TANC2: variants seen among roughly 807,000 people sequenced by gnomAD.
The protein encoded by TANC2 is tetratricopeptide repeat, ankyrin repeat and coiled-coil containing 2, also known as protein TANC2.
Under a neutral mutation model 210.5 loss-of-function variants are expected in TANC2, and 26 were observed. That is an observed-to-expected ratio of 0.12 (90% CI 0.09 to 0.17). The LOEUF (loss-of-function observed/expected upper bound fraction) is 0.17. Ranked by LOEUF, TANC2 falls within the 10% of genes least tolerant of loss-of-function variation. TANC2 has a pLI of 1.00. For synonymous variants in TANC2, 931 were observed against 967.1 expected, an observed-to-expected ratio of 0.96 and a Z score of 0.69; for missense variants, 2,129 against 2,608.9, an observed-to-expected ratio of 0.82 and a Z score of 4.01.
chr17:62,976,634 T>C lies in TANC2; in HGVS notation c.-24+9885T>C, dbSNP rs191138784. ...AAAGAAACTTTCCTCCCCGTCTAATTAGGAATAAATAGTAACTTCTCTTAG... is the reference window on the plus strand; with the variant it reads ...AAAGAAACTTTCCTCCCCGTCTAATCAGGAATAAATAGTAACTTCTCTTAG... On this transcript the variant is annotated intron_variant, in intron 1 of 27. Transcript: ENST00000689528. Among the ~76,000 whole-genome samples, 118 of 152,262 alleles carry C rather than the reference T, an allele frequency of 7.7e-4. 1 individual carries two copies. The highest frequency in any genetic ancestry group is 2.8e-3 in the African/African-American group (116 of 41,568).
intron 4 of TANC2, among the ~76,000 whole-genome samples, chr17:63,119,786 G>T (rs545560572): frequency 6.6e-6 from 1 of 152,286 alleles, no homozygotes; most frequent in African/African-American, 2.4e-5. Context: ...AGGCTGAGAT[G>T]GGAAGATCCC....
chr17:63,164,848 C>T (rs969326673), intron 5 of TANC2, among the ~76,000 whole-genome samples: 1 of 152,178 alleles, frequency 6.6e-6, no homozygotes, highest in Non-Finnish European at 1.5e-5. Context: ...TGTCCATTCA[C>T]ATTGGTGAAG....
At chr17:63,300,500 T>G (rs1460440294) in intron 9 of TANC2, among the ~76,000 whole-genome samples, 2 of 152,114 alleles carry the variant, frequency 1.3e-5, no homozygotes, top group Non-Finnish European at 2.9e-5. Flanking sequence ...CATCCCTTGT[T>G]AGCTATATTC....
chr17:63,323,324 C>T (rs1567914624), intron 11 of TANC2, among the ~76,000 whole-genome samples: 1 of 152,170 alleles, frequency 6.6e-6, no homozygotes, highest in Non-Finnish European at 1.5e-5. Flanking sequence ...ATCTAGTTAA[C>T]TGAGAACACT....
At chr17:63,072,402 A>G (rs1179553849) in intron 2 of TANC2, among the ~76,000 whole-genome samples, 1 of 152,064 alleles carries the variant, frequency 6.6e-6, no homozygotes, top group Non-Finnish European at 1.5e-5. Flanking sequence ...CCATGAGTAG[A>G]TTTTTGCTTT....
chr17:63,154,823 T>C (rs1204655826), intron 5 of TANC2: 2 of 152,108 alleles, frequency 1.3e-5, no homozygotes, highest in Non-Finnish European at 2.9e-5. Flanking sequence ...AATCTTATGG[T>C]CTGGAACATG....
chr17:63,129,297 G>T (rs1468330261), intron 4 of TANC2, among the ~76,000 whole-genome samples: 1 of 152,098 alleles, frequency 6.6e-6, no homozygotes, highest in African/African-American at 2.4e-5. Context: ...ATGCCCAGCA[G>T]TACCTAGACT....
intron 1 of TANC2, among the ~76,000 whole-genome samples, chr17:62,989,648 A>C (rs1029177311): frequency 1.3e-5 from 2 of 152,174 alleles, no homozygotes; most frequent in African/African-American, 4.8e-5. Context: ...GCGACAAAAG[A>C]ATTCTGTAAT....
chr17:63,253,945 C>T (rs563803369), intron 8 of TANC2, among the ~76,000 whole-genome samples: 1 of 152,090 alleles, frequency 6.6e-6, no homozygotes, highest in Admixed American at 6.5e-5. Flanking sequence ...ACTGTGCCTG[C>T]TGCTTGGGAT....
intron 5 of TANC2, among the ~76,000 whole-genome samples, chr17:63,166,702 G>A (rs994093694): frequency 2.6e-5 from 4 of 152,192 alleles, no homozygotes; most frequent in African/African-American, 9.7e-5. Flanking sequence ...CCTGTAAGAA[G>A]TCAAAGCTGG....
At chr17:63,195,100 G>T (rs1171518540) in intron 6 of TANC2, among the ~76,000 whole-genome samples, 1 of 152,054 alleles carries the variant, frequency 6.6e-6, no homozygotes, top group Non-Finnish European at 1.5e-5. Flanking sequence ...ATATTGTGTG[G>T]ATAAGTTCAG....
chr17:63,054,048 G>A (rs1368144447), intron 2 of TANC2, among the ~76,000 whole-genome samples: 1 of 152,158 alleles, frequency 6.6e-6, no homozygotes, highest in Non-Finnish European at 1.5e-5. Flanking sequence ...TTTAAAGCCA[G>A]ACAATTTTGA....
At chr17:63,260,535 G>T (rs2043324987) in intron 8 of TANC2, among the ~76,000 whole-genome samples, 3 of 152,176 alleles carry the variant, frequency 2.0e-5, no homozygotes, top group Admixed American at 2.0e-4. Flanking sequence ...TGTAGTCCCA[G>T]CACTTTGGGA....
At chr17:63,110,525 A>G (rs2037996145) in intron 4 of TANC2, among the ~76,000 whole-genome samples, 1 of 151,712 alleles carries the variant, frequency 6.6e-6, no homozygotes, top group Admixed American at 6.6e-5. Flanking sequence ...AGGCACCAGC[A>G]GGTTTGGTTG....
At chr17:63,170,059 C>A (rs933662253) in intron 5 of TANC2, among the ~76,000 whole-genome samples, 1 of 150,644 alleles carries the variant, frequency 6.6e-6, no homozygotes, top group Non-Finnish European at 1.5e-5. Flanking sequence ...GCGGCACTTG[C>A]AGTGAGCGGA....
At position 63,098,477 on chromosome 17, in the gene TANC2, CACAT is replaced by C. The variant is rs1214180997; in HGVS notation, c.140-694_140-691del. 5.8e-3 allele frequency among the ~76,000 whole-genome samples: 177 copies of C among 30,332 alleles called. 1 individual carries two copies. The highest frequency in any genetic ancestry group is 0.025 in the Middle Eastern group (2 of 80). The allele number at this position is 30,332 out of a possible 152,430, so 19.9% of individuals were successfully genotyped here. On this transcript the variant is annotated intron_variant, in intron 3 of 27. Transcript: ENST00000689528. Reference sequence around the variant, plus strand: ...ACACACACACACACACACACACACACACATACACTCTCTCTCTCTCTCTCTCTCT... The same window carrying C: ...ACACACACACACACACACACACACACACACTCTCTCTCTCTCTCTCTCTCT...
intron 1 of TANC2, among the ~76,000 whole-genome samples, chr17:62,996,994 T>TTTTTTTTTTTTTTTTTTTTTTTG (rs2033144497): frequency 7.0e-6 from 1 of 143,660 alleles, no homozygotes; most frequent in Non-Finnish European, 1.5e-5. Flanking sequence ...TTTGTATTTT[T>TTTTTTTTTTTTTTTTTTTTTTTG]AGTATAGATG....
At position 63,063,674 on chromosome 17, in the gene TANC2, T is replaced by TTGTGTGTGTGTGTGTG. The variant is rs371281397; in HGVS notation, c.68-10259_68-10244dup. ...CAATATCACACTTTGTTACCCAGTA[T>TTGTGTGTGTGTGTGTG]TGTGTGTGTGTGTGTGTGTGTGTGT... On this transcript the variant is annotated intron_variant, in intron 2 of 27. Transcript: ENST00000689528. 1.6e-3 allele frequency among the ~76,000 whole-genome samples: 220 copies of TTGTGTGTGTGTGTGTG among 137,494 alleles called. 2 individuals are homozygous for TTGTGTGTGTGTGTGTG. The highest frequency in any genetic ancestry group is 5.4e-3 in the African/African-American group (198 of 36,910). The allele number at this position is 137,494 out of a possible 152,430, so 90.2% of individuals were successfully genotyped here.
chr17:63,201,753 G>A (rs2041542698), intron 7 of TANC2, among the ~76,000 whole-genome samples: 1 of 151,842 alleles, frequency 6.6e-6, no homozygotes, highest in South Asian at 2.1e-4. Flanking sequence ...TGCTGATTGG[G>A]ACATTATGTA....
Sources: allele counts gnomAD v4.1 joint callset (sites outside exome capture counted in the v4.1 genomes callset), GRCh38; gene constraint gnomAD v4.1.1; transcripts MANE v1.5; gene names NCBI Gene and HGNC (gene_info 2026-07-23, HGNC 2026-07-21).